Variants in CWF19L1 observed in about 807,000 individuals in gnomAD.
The protein encoded by CWF19L1 is CWF19-like protein 1.
A neutral mutation model predicts 69.7 loss-of-function variants in CWF19L1; 60 were observed. The ratio of observed to expected loss-of-function variants is 0.86; its 90% CI spans 0.70 to 1.07. The LOEUF is 1.07. Ranked by LOEUF, CWF19L1 falls within the 50% of genes least tolerant of loss-of-function variation. The probability of loss-of-function intolerance (pLI) is 0.00; values close to 1 mark genes in which losing one functional copy is unlikely to be tolerated. For synonymous variants in CWF19L1, 209 were observed against 222.2 expected, an observed-to-expected ratio of 0.94 and a Z score of 0.53; for missense variants, 591 against 638.9, an observed-to-expected ratio of 0.92 and a Z score of 0.81.
chr10:100,237,095 C>G (rs1653224535), intron 11 of CWF19L1, 126 bp from the exon 12 acceptor site: 1 of 1,167,526 alleles, frequency 8.6e-7, no homozygotes, highest in Non-Finnish European at 1.2e-6. Flanking sequence ...AGAATATCCT[C>G]AGGCCAGACA....
chr10:100,264,721 A>G (rs553312615), intron 1 of CWF19L1, among the ~76,000 whole-genome samples: 39 of 152,168 alleles, frequency 2.6e-4, no homozygotes, highest in Middle Eastern at 3.4e-3. Flanking sequence ...TGTTATTACT[A>G]CTGAAGCCCT....
At chr10:100,243,617 A>G (rs1564852665) in intron 10 of CWF19L1, 81 bp downstream of exon 10, 3 of 1,192,884 alleles carry the variant, frequency 2.5e-6, no homozygotes, top group Non-Finnish European at 3.8e-6. Flanking sequence ...GGTAAATGTT[A>G]TATGTAGATT....
intron 6 of CWF19L1, among the ~76,000 whole-genome samples, chr10:100,251,392 T>G (rs968951893): frequency 6.6e-6 from 1 of 152,212 alleles, no homozygotes; most frequent in African/African-American, 2.4e-5. Flanking sequence ...ATTATGTATT[T>G]GCCTTTTTGA....
rs539383926 is a variant in CWF19L1 at position 100,248,438 on chromosome 10, A to G, written c.709-1503T>C. ...GGGAAGGGACTCACTTTCTCATTCC[A>G]TGGGTACACAAACCTATTATCTTTG... is the stretch of plus-strand genomic sequence containing the variant. On this transcript the variant is annotated intron_variant, in intron 7 of 13. Transcript: ENST00000354105. 4 of 696,754 alleles carry G rather than the reference A, an allele frequency of 5.7e-6. No individual in the cohort carries two copies. In the Admixed American group the frequency reaches 6.0e-5, roughly 10 times the overall value. The allele number at this position is 696,754 out of a possible 1,614,324, so 43.2% of individuals were successfully genotyped here. A position where few individuals can be genotyped will look rare whatever the true frequency, so the allele number is the denominator to read the frequency against.
chr10:100,248,848 T>A, intron 7 of CWF19L1: 1 of 1,174,360 alleles, frequency 8.5e-7, no homozygotes, highest in Non-Finnish European at 1.3e-6. Context: ...GAGCACCAGA[T>A]TTGTGGCAGA....
chr10:100,239,507 C>T (rs1291873153), intron 10 of CWF19L1, among the ~76,000 whole-genome samples: 1 of 152,186 alleles, frequency 6.6e-6, no homozygotes, highest in African/African-American at 2.4e-5. Flanking sequence ...GGCATGGTGG[C>T]ACGTGCCTAT....
At chr10:100,263,908 G>A (rs1258137662) in intron 1 of CWF19L1, among the ~76,000 whole-genome samples, 1 of 152,220 alleles carries the variant, frequency 6.6e-6, no homozygotes, top group Non-Finnish European at 1.5e-5. Flanking sequence ...TTTCCAAAAT[G>A]AAAATTTGAT....
At chr10:100,261,443 AT>A (rs1847396820) in intron 2 of CWF19L1, among the ~76,000 whole-genome samples, 1 of 152,230 alleles carries the variant, frequency 6.6e-6, no homozygotes, top group East Asian at 1.9e-4. Flanking sequence ...AAAACTTAAA[AT>A]ATTAGAATCT....
Position 100,238,793 on chromosome 10 carries a change from G to A in CWF19L1, c.1045-562C>T, listed in dbSNP as rs1226464311. Among the ~76,000 whole-genome samples, 3 of 152,066 alleles carry A rather than the reference G, an allele frequency of 2.0e-5. No homozygotes were observed. In the East Asian group the frequency reaches 5.8e-4, roughly 29 times the overall value. On this transcript the variant is annotated intron_variant, in intron 10 of 13. Transcript: ENST00000354105. The stretch of plus-strand genomic sequence containing the variant: ...AAAAATACAAAAATTAGCCAGGCCT[G>A]TGATGGCATGTGCCTGTAGTCCCAG...
intron 7 of CWF19L1, among the ~76,000 whole-genome samples, chr10:100,247,509 TATAA>T (rs141746854): frequency 6.6e-6 from 1 of 152,362 alleles, no homozygotes; most frequent in East Asian, 1.9e-4. Context: ...TTAGATAAGA[TATAA>T]ATAGATGTTT....
chr10:100,236,907 C>T lies in CWF19L1; in HGVS notation c.1317G>A (p.Gln439=), dbSNP rs1337246624. The T allele has an allele frequency of 6.2e-7, 1 of 1,612,246 alleles. No homozygotes were observed. The highest frequency in any genetic ancestry group is 1.3e-5 in the African/African-American group (1 of 74,878). ...ACAGCTCTATCTGCTGCTCCTGTGC[C>T]TGGGTAATGAAGGCATCTTTAATGT... ...TDDIKDAFIT[Q]AQEQQIELLE... is the part of the protein sequence containing the mutation. Residue 439 remains glutamine, a synonymous_variant, in exon 12 of 14, where the codon CAG becomes CAA. Coordinates refer to ENST00000354105, the MANE Select transcript of CWF19L1 (RefSeq NM_018294.6).
Position 100,250,228 on chromosome 10 carries a change from C to T in CWF19L1, c.708+20G>A. On this transcript the variant is annotated intron_variant, in intron 7 of 13. Transcript: ENST00000354105. The stretch of plus-strand genomic sequence containing the variant: ...GCAGACCATGAATATCAACCTTCCA[C>T]CAAATAGGTAAATCTTTACCTTTTT... 2.0e-6 allele frequency: 3 copies of T among 1,512,568 alleles called. No individual in the cohort carries two copies. Among genetic ancestry groups the T allele is most frequent in the Admixed American group, 1.7e-5 (1 of 59,878 alleles). The allele number at this position is 1,512,568 out of a possible 1,614,324, so 93.7% of individuals were successfully genotyped here. A position where few individuals can be genotyped will look rare whatever the true frequency, so the allele number is the denominator to read the frequency against.
chr10:100,257,617 C>A (rs1811559689), intron 4 of CWF19L1, among the ~76,000 whole-genome samples: 1 of 151,824 alleles, frequency 6.6e-6, no homozygotes, highest in Non-Finnish European at 1.5e-5. Context: ...AGTTCCTTAA[C>A]CCCCTGCAAT....
chr10:100,238,727 C>T (rs1424175583), intron 10 of CWF19L1, among the ~76,000 whole-genome samples: 2 of 152,038 alleles, frequency 1.3e-5, no homozygotes, highest in Admixed American at 6.6e-5. Flanking sequence ...GTCAGAAGTT[C>T]CAGACTAGGC....
chr10:100,264,300 C>T (rs950989891), intron 1 of CWF19L1, among the ~76,000 whole-genome samples: 1 of 152,218 alleles, frequency 6.6e-6, no homozygotes, highest in Non-Finnish European at 1.5e-5. Flanking sequence ...AATCCCAGCA[C>T]TTTGGGAGGC....
chr10:100,255,454 G>T (rs1847178243), intron 5 of CWF19L1, among the ~76,000 whole-genome samples: 1 of 149,800 alleles, frequency 6.7e-6, no homozygotes, highest in Non-Finnish European at 1.5e-5. Flanking sequence ...AGACCAGCCT[G>T]GCCAACATGG....
chr10:100,239,154 C>T (rs139029907), intron 10 of CWF19L1, among the ~76,000 whole-genome samples: 83 of 152,258 alleles, frequency 5.5e-4, no homozygotes, highest in African/African-American at 1.9e-3. Flanking sequence ...AACTCAGATG[C>T]ATCCAAAGAG....
intron 7 of CWF19L1, among the ~76,000 whole-genome samples, chr10:100,247,173 C>G (rs1846854151): frequency 6.6e-6 from 1 of 152,122 alleles, no homozygotes; most frequent in Non-Finnish European, 1.5e-5. Flanking sequence ...AAGCCCCCAC[C>G]CTCACAAACC....
intron 2 of CWF19L1, 137 bp downstream of exon 2, chr10:100,261,842 T>C: frequency 1.6e-6 from 1 of 640,126 alleles, no homozygotes. Context: ...CAGCAGCTAC[T>C]AAGTTCCTAT....
Sources: gnomAD v4.1 joint callset for allele counts (sites outside exome capture counted in the v4.1 genomes callset) on GRCh38, gnomAD v4.1.1 for gene constraint, MANE v1.5 for transcripts, NCBI Gene and HGNC (gene_info 2026-07-23, HGNC 2026-07-21) for gene names.